RAP1B: variants seen among roughly 807,000 people sequenced by gnomAD.
The protein encoded by RAP1B is ras-related protein Rap-1b.
In RAP1B, 1 loss-of-function variant was observed where a neutral mutation model predicts 27.5. That is an observed-to-expected ratio of 0.04 (90% CI 0.01 to 0.17). The LOEUF is 0.17. RAP1B is among the 10% of genes least tolerant of loss of function. The probability of loss-of-function intolerance (pLI) is 1.00; values close to 1 mark genes in which losing one functional copy is unlikely to be tolerated. For missense variants in RAP1B, 84 were observed against 214.8 expected, an observed-to-expected ratio of 0.39 and a Z score of 3.81; for synonymous variants, 75 against 73.1, an observed-to-expected ratio of 1.03 and a Z score of -0.13.
At position 68,667,121 on chromosome 12, in the gene RAP1B, A is replaced by C. The variant is rs1363128789; in HGVS notation, c.*7872A>C. The stretch of plus-strand genomic sequence containing the variant: ...TTCCCCCCTTTTACTTAGATCTAAT[A>C]GTAATATAACAAACTTTTCTTTTTC... On this transcript the variant is annotated 3_prime_UTR_variant, in exon 8 of 8. Transcript: ENST00000250559. 2 of 152,204 alleles carry C rather than the reference A, an allele frequency of 1.3e-5. No homozygotes were observed. Among genetic ancestry groups the C allele is most frequent in the Non-Finnish European group, 2.9e-5 (2 of 68,040 alleles). The allele number at this position is 152,204 out of a possible 1,614,324, so 9.4% of individuals were successfully genotyped here.
At chr12:68,638,696 G>C (rs192172758) in intron 1 of RAP1B, among the ~76,000 whole-genome samples, 125 of 152,098 alleles carry the variant, frequency 8.2e-4, no homozygotes, top group South Asian at 2.9e-3. Context: ...GTCTCACTCT[G>C]TATGCCTAAG....
rs1874797530 is a variant in RAP1B, at chr12:68,665,177, T to C, written c.*5928T>C. The C allele has an allele frequency of 6.6e-6, 1 of 152,256 alleles. No homozygotes were observed. The allele number at this position is 152,256 out of a possible 1,614,324, so 9.4% of individuals were successfully genotyped here. A position where few individuals can be genotyped will look rare whatever the true frequency, so the allele number is the denominator to read the frequency against. On this transcript the variant is annotated 3_prime_UTR_variant, in exon 8 of 8. Coordinates refer to ENST00000250559, the MANE Select transcript of RAP1B (RefSeq NM_001010942.3). ...ATGGAATAGAATCGGATGGGTATGG[T>C]ACAGCAGGTAGTTATGGGGAGACCT...
chr12:68,659,187 C>G (rs984230005), intron 7 of RAP1B, 93 bp from the exon 8 acceptor site: 1 of 448,390 alleles, frequency 2.2e-6, no homozygotes, highest in Admixed American at 2.4e-5. Flanking sequence ...ATATTCATTT[C>G]TAACACTTTT....
At chr12:68,612,337 C>T (rs1029644689) in intron 1 of RAP1B, among the ~76,000 whole-genome samples, 2 of 152,092 alleles carry the variant, frequency 1.3e-5, no homozygotes, top group Non-Finnish European at 2.9e-5. Flanking sequence ...AAAAGGGAGA[C>T]ATTCATTTAA....
intron 5 of RAP1B, among the ~76,000 whole-genome samples, 184 bp downstream of exon 5, chr12:68,654,436 A>G (rs1874053943): frequency 6.6e-6 from 1 of 151,700 alleles, no homozygotes; most frequent in Non-Finnish European, 1.5e-5. Flanking sequence ...TCATGTGGAA[A>G]GTGAGAAATT....
chr12:68,652,218 GC>G (rs1873863410), intron 4 of RAP1B, among the ~76,000 whole-genome samples, 167 bp downstream of exon 4: 1 of 152,188 alleles, frequency 6.6e-6, no homozygotes, highest in Admixed American at 6.5e-5. Context: ...GGTCAAGGTT[GC>G]TGGATCACTT....
At chr12:68,647,382 T>TCCCCCCC (rs1565670496) in intron 1 of RAP1B, among the ~76,000 whole-genome samples, 1 of 1,936 alleles carries the variant, frequency 5.2e-4, no homozygotes, top group African/African-American at 2.0e-3. Context: ...CCCACTCCAC[T>TCCCCCCC]CCCCGCCCCC....
intron 1 of RAP1B, among the ~76,000 whole-genome samples, chr12:68,629,848 T>C (rs976913699): frequency 6.6e-6 from 1 of 152,216 alleles, no homozygotes; most frequent in African/African-American, 2.4e-5. Context: ...AGTAATTCTT[T>C]ATAGGTGTTT....
chr12:68,656,182 ATTAT>A (rs1358278834), intron 5 of RAP1B, 120 bp from the exon 6 acceptor site: 4 of 821,224 alleles, frequency 4.9e-6, no homozygotes, highest in East Asian at 2.7e-5. Flanking sequence ...TTTATTATAC[ATTAT>A]TTAATATTTT....
chr12:68,656,668 G>T, intron 6 of RAP1B: 1 of 578,296 alleles, frequency 1.7e-6, no homozygotes, highest in South Asian at 2.3e-5. Flanking sequence ...CCATGAAAAA[G>T]GAAGACTGGA....
At chr12:68,620,902 A>T (rs1478192987) in intron 1 of RAP1B, among the ~76,000 whole-genome samples, 1 of 152,178 alleles carries the variant, frequency 6.6e-6, no homozygotes, top group Non-Finnish European at 1.5e-5. Flanking sequence ...CCACATTTTA[A>T]AGGATTTTTA....
intron 7 of RAP1B, 66 bp from the exon 8 acceptor site, chr12:68,659,214 C>T (rs73332561): frequency 0.022 from 10,119 of 454,606 alleles, 833 homozygotes; most frequent in African/African-American, 0.18. Flanking sequence ...GTTTTCTTAA[C>T]TGTTTGCTTT....
At chr12:68,613,018 A>G (rs1455029101) in intron 1 of RAP1B, among the ~76,000 whole-genome samples, 2 of 152,206 alleles carry the variant, frequency 1.3e-5, no homozygotes, top group African/African-American at 2.4e-5. Context: ...TGAAGAACCA[A>G]TGCTAAACTG....
chr12:68,624,047 A>G (rs1214169694), intron 1 of RAP1B, among the ~76,000 whole-genome samples: 2 of 151,342 alleles, frequency 1.3e-5, no homozygotes, highest in Non-Finnish European at 2.9e-5. Flanking sequence ...AAAGAGAGAG[A>G]GAAGAAATTG....
Position 68,669,401 on chromosome 12 carries a change from G to A in RAP1B, c.*10152G>A, listed in dbSNP as rs1375535360. The A allele has an allele frequency of 6.6e-6, 1 of 152,150 alleles. No individual in the cohort carries two copies. Among genetic ancestry groups the A allele is most frequent in the African/African-American group, 2.4e-5 (1 of 41,438 alleles). 9.4% of individuals were successfully genotyped at this position (152,150 alleles called of 1,614,324 possible). A position where few individuals can be genotyped will look rare whatever the true frequency, so the allele number is the denominator to read the frequency against. On this transcript the variant is annotated 3_prime_UTR_variant, in exon 8 of 8. Coordinates refer to ENST00000250559, the MANE Select transcript of RAP1B (RefSeq NM_001010942.3). ...TTTTTGATTTTTTAATAGACTGGATGTTGGTCTTGAACTCCTGGGCTCAAG... is the reference window on the plus strand; with the variant it reads ...TTTTTGATTTTTTAATAGACTGGATATTGGTCTTGAACTCCTGGGCTCAAG...
chr12:68,653,888 G>A (rs183895667), intron 4 of RAP1B, among the ~76,000 whole-genome samples: 42 of 151,356 alleles, frequency 2.8e-4, no homozygotes, highest in African/African-American at 9.7e-4. Flanking sequence ...CCGAGGTCGC[G>A]CCACTGCACT....
intron 1 of RAP1B, among the ~76,000 whole-genome samples, chr12:68,615,796 C>A (rs1442869877): frequency 2.6e-5 from 4 of 151,924 alleles, no homozygotes; most frequent in South Asian, 4.1e-4. Flanking sequence ...CACATACATA[C>A]ACACACACAT....
At chr12:68,618,563 C>T (rs776467381) in intron 1 of RAP1B, among the ~76,000 whole-genome samples, 35 of 152,294 alleles carry the variant, frequency 2.3e-4, no homozygotes, top group Middle Eastern at 6.8e-3. Context: ...GGCGAGTCTA[C>T]AAGTGCAAAA....
intron 1 of RAP1B, among the ~76,000 whole-genome samples, chr12:68,631,845 G>C (rs1872258903): frequency 6.6e-6 from 1 of 152,078 alleles, no homozygotes; most frequent in Admixed American, 6.6e-5. Flanking sequence ...GAGCAGGTAT[G>C]TTTTGTCCAT....
Sources: allele counts gnomAD v4.1 joint callset (sites outside exome capture counted in the v4.1 genomes callset), GRCh38; gene constraint gnomAD v4.1.1; transcripts MANE v1.5; gene names NCBI Gene and HGNC (gene_info 2026-07-23, HGNC 2026-07-21).